Variants in DACH2 observed in about 807,000 individuals in gnomAD.
DACH2 encodes the protein dachshund family transcription factor 2, also known as dachshund homolog 2.
Under a neutral mutation model 35.8 loss-of-function variants are expected in DACH2, and 17 were observed. The observed-to-expected ratio is 0.48, with a 90% confidence interval of 0.33 to 0.71. The LOEUF (loss-of-function observed/expected upper bound fraction) is 0.71, where lower values mean the gene tolerates loss of function less well. Among genes scored for constraint, DACH2 ranks in the 30% least tolerant of loss-of-function variants. DACH2 has a pLI of 0.02. For synonymous variants in DACH2, 195 were observed against 177.3 expected, an observed-to-expected ratio of 1.10 and a Z score of -0.79; for missense variants, 469 against 472.7, an observed-to-expected ratio of 0.99 and a Z score of 0.07.
chrX:86,553,717 C>T (rs1023070963), intron 3 of DACH2, among the ~76,000 whole-genome samples: 3 of 111,736 alleles, frequency 2.7e-5, no homozygotes, highest in East Asian at 2.8e-4. Flanking sequence ...CAAATGAATT[C>T]GATAGGGCTC....
intron 1 of DACH2, among the ~76,000 whole-genome samples, chrX:86,152,108 T>C (rs926427776): frequency 8.9e-6 from 1 of 112,121 alleles, no homozygotes; most frequent in African/African-American, 3.2e-5. Context: ...AACACTATTC[T>C]TATTTCAAAG....
chrX:86,754,649 T>C (rs2041809393), intron 7 of DACH2, among the ~76,000 whole-genome samples: 1 of 111,277 alleles, frequency 9.0e-6, no homozygotes, highest in African/African-American at 3.3e-5. Context: ...AACTTTTATA[T>C]CTCCCACATA....
At chrX:86,607,683 C>T (rs4534269) in intron 3 of DACH2, among the ~76,000 whole-genome samples, 4,122 of 104,268 alleles carry the variant, frequency 0.04, 85 homozygotes, top group Non-Finnish European at 0.061. Context: ...CATGCTGGTG[C>T]GCTGCACCCA....
intron 10 of DACH2, 70 bp from the exon 11 acceptor site, chrX:86,815,964 G>A: frequency 1.1e-6 from 1 of 909,434 alleles, no homozygotes; most frequent in African/African-American, 2.0e-5. Flanking sequence ...CTGGCTTACT[G>A]GAGTTTTCCC....
At chrX:86,603,347 T>C (rs1459236710) in intron 3 of DACH2, among the ~76,000 whole-genome samples, 1 of 111,091 alleles carries the variant, frequency 9.0e-6, no homozygotes, top group African/African-American at 3.3e-5. Flanking sequence ...ATTTGAATTT[T>C]GCGGAGGACA....
chrX:86,463,154 G>A (rs2037605142), intron 2 of DACH2, among the ~76,000 whole-genome samples: 1 of 110,238 alleles, frequency 9.1e-6, no homozygotes, highest in Admixed American at 9.8e-5. Context: ...TTGAGAAAGA[G>A]GTTAGCTATT....
chrX:86,256,064 T>C (rs1018110994), intron 1 of DACH2, among the ~76,000 whole-genome samples: 2 of 110,820 alleles, frequency 1.8e-5, no homozygotes, highest in African/African-American at 6.6e-5. Context: ...GCTCATAAAA[T>C]GTGTCACTGG....
At chrX:86,678,814 G>A (rs2040848468) in intron 4 of DACH2, among the ~76,000 whole-genome samples, 1 of 112,214 alleles carries the variant, frequency 8.9e-6, no homozygotes, top group Non-Finnish European at 1.9e-5. Context: ...AGAATAGGTA[G>A]CATTGCTTTA....
At chrX:86,165,465 T>A (rs2030912810) in intron 1 of DACH2, among the ~76,000 whole-genome samples, 1 of 111,425 alleles carries the variant, frequency 9.0e-6, no homozygotes, top group East Asian at 2.8e-4. Flanking sequence ...GAAGGTCCCC[T>A]TTTCTCTACA....
intron 7 of DACH2, among the ~76,000 whole-genome samples, chrX:86,787,664 T>C (rs954006294): frequency 1.8e-5 from 2 of 109,992 alleles, no homozygotes; most frequent in Non-Finnish European, 3.8e-5. Context: ...GCACTTATTT[T>C]CCAGTGTGAA....
At chrX:86,730,747 T>A (rs369629920) in intron 6 of DACH2, among the ~76,000 whole-genome samples, 7 of 111,799 alleles carry the variant, frequency 6.3e-5, no homozygotes, top group African/African-American at 2.3e-4. Flanking sequence ...GAAAACATAG[T>A]GGAGTTTGCT....
chrX:86,193,159 A>G (rs1286562373), intron 1 of DACH2, among the ~76,000 whole-genome samples: 1 of 111,819 alleles, frequency 8.9e-6, no homozygotes, highest in Non-Finnish European at 1.9e-5. Context: ...GTTGAATTAG[A>G]GAAAGATAAT....
chrX:86,752,927 T>C (rs2041789792), intron 7 of DACH2, among the ~76,000 whole-genome samples: 1 of 111,373 alleles, frequency 9.0e-6, no homozygotes, highest in Admixed American at 9.6e-5. Context: ...GTTGTATAAA[T>C]ATGACTAAGA....
chrX:86,754,543 C>T (rs1391120551), intron 7 of DACH2, among the ~76,000 whole-genome samples: 1 of 110,809 alleles, frequency 9.0e-6, no homozygotes, highest in Non-Finnish European at 1.9e-5. Flanking sequence ...TATGGTTGTA[C>T]TCATTGTAGC....
At chrX:86,266,283 G>C (rs756370375) in intron 1 of DACH2, among the ~76,000 whole-genome samples, 1 of 111,132 alleles carries the variant, frequency 9.0e-6, no homozygotes, top group East Asian at 2.8e-4. Context: ...GAGAAACACT[G>C]TTTTAGAATC....
intron 2 of DACH2, among the ~76,000 whole-genome samples, chrX:86,427,599 C>A (rs993677634): frequency 9.0e-6 from 1 of 111,085 alleles, no homozygotes; most frequent in African/African-American, 3.3e-5. Flanking sequence ...TTTAGGTATT[C>A]TTTGCTGAAA....
At chrX:86,160,365 G>C (rs1354946303) in intron 1 of DACH2, 1 of 768,211 alleles carries the variant, frequency 1.3e-6, no homozygotes, top group Non-Finnish European at 2.0e-6. Context: ...CCCAGAGGAG[G>C]ATAGTCTGAG....
intron 7 of DACH2, among the ~76,000 whole-genome samples, chrX:86,780,390 T>C (rs1458422307): frequency 2.7e-5 from 3 of 111,060 alleles, no homozygotes; most frequent in Admixed American, 9.6e-5. Context: ...TGGATGGGGA[T>C]CAAGATTCAG....
chrX:86,177,474 G>A (rs191558984), intron 1 of DACH2, among the ~76,000 whole-genome samples: 1,235 of 111,926 alleles, frequency 0.011, 24 homozygotes, highest in African/African-American at 0.038. Flanking sequence ...TGGTGATGAA[G>A]AAATAGTTAA....
Sources: allele counts gnomAD v4.1 joint callset (sites outside exome capture counted in the v4.1 genomes callset), GRCh38; gene constraint gnomAD v4.1.1; transcripts MANE v1.5; gene names NCBI Gene and HGNC (gene_info 2026-07-23, HGNC 2026-07-21).